The following WBP2NL variants were observed in gnomAD, a reference collection of about 807,000 sequenced individuals.
WBP2NL encodes the protein WBP2 N-terminal like.
Under a neutral mutation model 23.3 loss-of-function variants are expected in WBP2NL, and 27 were observed. The observed-to-expected ratio is 1.16, with a 90% CI of 0.85 to 1.60. WBP2NL has a LOEUF of 1.60. Among genes scored for constraint, WBP2NL ranks in the 40% most tolerant of loss-of-function variants. The probability of loss-of-function intolerance (pLI) is 0.00; values close to 1 mark genes in which losing one functional copy is unlikely to be tolerated. For missense variants in WBP2NL, 370 were observed against 389.5 expected, an observed-to-expected ratio of 0.95 and a Z score of 0.42; for synonymous variants, 151 against 145.9, an observed-to-expected ratio of 1.03 and a Z score of -0.25.
downstream of WBP2NL, chr22:42,030,766 C>T (rs1040173687): frequency 8.5e-5 from 13 of 152,256 alleles, no homozygotes; most frequent in Admixed American, 5.9e-4. Context: ...ACTCAACCAA[C>T]TAGAGCAGGG....
At chr22:42,049,918 A>T (rs981677164) in intron 8 of WBP2NL, among the ~76,000 whole-genome samples, 6 of 146,904 alleles carry the variant, frequency 4.1e-5, no homozygotes, top group Non-Finnish European at 9.0e-5. Context: ...CAGAGGTTGC[A>T]GTGAGCCAAG....
At chr22:42,057,937 G>C (rs1926149363) in intron 8 of WBP2NL, among the ~76,000 whole-genome samples, 1 of 37,594 alleles carries the variant, frequency 2.7e-5, no homozygotes, top group South Asian at 1.1e-3. Context: ...TTTTTTTTGA[G>C]ATGGAGTCTG....
At chr22:42,035,412 C>T (rs560488374), downstream of WBP2NL, among the ~76,000 whole-genome samples, 1 of 152,360 alleles carries the variant, frequency 6.6e-6, no homozygotes, top group East Asian at 1.9e-4. Flanking sequence ...GGGTCTGCAG[C>T]CACGGCTTGG....
chr22:42,014,351 G>C (rs1923114541), intron 1 of WBP2NL, among the ~76,000 whole-genome samples: 1 of 152,094 alleles, frequency 6.6e-6, no homozygotes, highest in African/African-American at 2.4e-5. Context: ...TCAGTGTCTT[G>C]GATAGGTGGG....
intron 1 of WBP2NL, among the ~76,000 whole-genome samples, chr22:42,014,462 C>T (rs908135895): frequency 4.6e-5 from 7 of 151,336 alleles, no homozygotes; most frequent in Non-Finnish European, 8.9e-5. Context: ...CCTGTGCTCA[C>T]GCATTCTGCC....
At chr22:42,052,057 T>C (rs1380035322) in intron 8 of WBP2NL, among the ~76,000 whole-genome samples, 1 of 152,218 alleles carries the variant, frequency 6.6e-6, no homozygotes, top group Admixed American at 6.5e-5. Flanking sequence ...ATTCTCATTC[T>C]ATAAACCGGT....
chr22:42,020,862 GTGTGTGTATATATATA>G (rs1240916186), intron 4 of WBP2NL, among the ~76,000 whole-genome samples: 44 of 33,970 alleles, frequency 1.3e-3, no homozygotes, highest in African/African-American at 5.9e-3. Flanking sequence ...ATGTGTGTGT[GTGTGTGTATATATATA>G]TATATATATA....
intron 1 of WBP2NL, chr22:42,001,434 C>T (rs1428849747): frequency 4.7e-6 from 4 of 846,262 alleles, no homozygotes; most frequent in Admixed American, 2.0e-5. Flanking sequence ...TGCACAGACA[C>T]GTTAAAGCCT....
chr22:42,051,200 T>G (rs1345380389), intron 8 of WBP2NL, among the ~76,000 whole-genome samples: 2 of 152,206 alleles, frequency 1.3e-5, no homozygotes, highest in African/African-American at 2.4e-5. Context: ...TGAAAAGATA[T>G]GGAGGAACCC....
At chr22:42,037,145 T>C (rs1925214586), downstream of WBP2NL, among the ~76,000 whole-genome samples, 1 of 151,918 alleles carries the variant, frequency 6.6e-6, no homozygotes, top group Admixed American at 6.6e-5. Context: ...TGTGTGTGTG[T>C]GTGTGTGTGT....
chr22:42,008,322 C>T (rs1358868647), intron 1 of WBP2NL, among the ~76,000 whole-genome samples: 1 of 151,462 alleles, frequency 6.6e-6, no homozygotes, highest in African/African-American at 2.4e-5. Context: ...GATTCACATG[C>T]CCTCAGCCTC....
chr22:42,043,370 T>G (rs9623503), intron 8 of WBP2NL, among the ~76,000 whole-genome samples: 3,404 of 152,274 alleles, frequency 0.022, 132 homozygotes, highest in African/African-American at 0.078. Flanking sequence ...GTTGTTGGTG[T>G]GGGGCTAGGG....
downstream of WBP2NL, among the ~76,000 whole-genome samples, chr22:42,028,985 T>TGG (rs891995061): frequency 6.6e-6 from 1 of 152,220 alleles, no homozygotes; most frequent in African/African-American, 2.4e-5. Context: ...AATTGCTCCC[T>TGG]GGGGGGCAGT....
chr22:42,017,353 G>T (rs192105852), intron 1 of WBP2NL, among the ~76,000 whole-genome samples: 11 of 152,112 alleles, frequency 7.2e-5, no homozygotes, highest in Non-Finnish European at 1.5e-4. Context: ...CAAATGATCC[G>T]CCAGCCTCGG....
At chr22:42,001,492 G>A (rs1322474782) in intron 1 of WBP2NL, 3 of 962,074 alleles carry the variant, frequency 3.1e-6, no homozygotes, top group African/African-American at 1.6e-5. Context: ...TAACTAGGCA[G>A]TCACCGAAAC....
chr22:42,019,638 TC>T, intron 2 of WBP2NL, 23 bp from the exon 3 acceptor site: 1 of 1,613,296 alleles, frequency 6.2e-7, no homozygotes, highest in Non-Finnish European at 8.5e-7. Context: ...GCATTCCTTT[TC>T]CAAAGTTTCT....
chr22:42,027,141 C>T lies in WBP2NL; in HGVS notation c.890C>T (p.Ala297Val), dbSNP rs201981517. 6.2e-7 allele frequency: 1 copy of T among 1,613,922 alleles called. No homozygotes were observed. The highest frequency in any genetic ancestry group is 8.5e-7 in the Non-Finnish European group (1 of 1,179,904). ...GCAGCCCAGGCTCCTGAAAACGAGG[C>T]TTCTCTTCCCTCTGCCTCCTCTTCT... ...STAAQAPENE[A>V]SLPSASSSQV... Residue 297 changes from alanine to valine, a missense_variant, in exon 6 of 6, where the codon GCT becomes GTT. Ala to Val is a moderately conservative substitution (Grantham distance 64). Transcript: ENST00000328823.
At chr22:42,050,341 C>CA (rs1925791947) in intron 8 of WBP2NL, among the ~76,000 whole-genome samples, 1 of 150,894 alleles carries the variant, frequency 6.6e-6, no homozygotes, top group African/African-American at 2.4e-5. Flanking sequence ...ATTAAAAAAA[C>CA]AAAAAACAAA....
intron 1 of WBP2NL, among the ~76,000 whole-genome samples, chr22:42,006,382 G>A (rs133317): frequency 0.31 from 46,690 of 151,792 alleles, 8,579 homozygotes; most frequent in South Asian, 0.44. Flanking sequence ...CACCACACTC[G>A]GCTAATTTTT....
Sources: allele counts gnomAD v4.1 joint callset (sites outside exome capture counted in the v4.1 genomes callset), GRCh38; gene constraint gnomAD v4.1.1; transcripts MANE v1.5; gene names NCBI Gene and HGNC (gene_info 2026-07-23, HGNC 2026-07-21).